RYR3: variants seen among roughly 807,000 people sequenced by gnomAD.
RYR3 encodes ryanodine receptor 3.
In RYR3, 207 loss-of-function variants were observed where a neutral mutation model predicts 584.3. The observed-to-expected ratio is 0.35, with a 90% confidence interval of 0.32 to 0.40. RYR3 has a LOEUF of 0.40. Ranked by LOEUF, RYR3 falls within the 10% of genes least tolerant of loss-of-function variation. The pLI is 1.00. For missense variants in RYR3, 5,616 were observed against 6,089.2 expected (o/e 0.92, Z 2.59); for synonymous variants, 2,416 against 2,248.5 (o/e 1.07, Z -2.11).
At chr15:33,326,853 A>C (rs1167880856) in intron 1 of RYR3, among the ~76,000 whole-genome samples, 1 of 152,234 alleles carries the variant, frequency 6.6e-6, no homozygotes, top group African/African-American at 2.4e-5. Context: ...AATTTACTAC[A>C]GCATGGTTTT....
In RYR3 at chr15:33,838,960, T is replaced by C; in HGVS notation, c.12978+2T>C. On this transcript the variant is annotated splice_donor_variant, in intron 89 of 103. Transcript: ENST00000634891. LOFTEE classifies it high-confidence loss of function. ...GTACAGAAGAAGAGGAAAGCTCAGGTAAGTGTCATTTGTTTCTTTCATCTT... is the reference window on the plus strand; with the variant it reads ...GTACAGAAGAAGAGGAAAGCTCAGGCAAGTGTCATTTGTTTCTTTCATCTT... The C allele has an allele frequency of 1.9e-6, 3 of 1,599,238 alleles. No homozygotes were observed. The highest frequency in any genetic ancestry group is 2.6e-6 in the Non-Finnish European group (3 of 1,174,118).
chr15:33,370,100 C>G (rs886643413), intron 1 of RYR3, among the ~76,000 whole-genome samples: 1 of 152,078 alleles, frequency 6.6e-6, no homozygotes, highest in African/African-American at 2.4e-5. Flanking sequence ...ATCTTTTTCC[C>G]CCTGTAGGAG....
At chr15:33,757,317 A>G (rs561579094) in intron 59 of RYR3, among the ~76,000 whole-genome samples, 158 bp from the exon 60 acceptor site, 1 of 152,326 alleles carries the variant, frequency 6.6e-6, no homozygotes, top group African/African-American at 2.4e-5. Flanking sequence ...AGAAAAGGAA[A>G]ATACGATGGA....
intron 38 of RYR3, among the ~76,000 whole-genome samples, chr15:33,680,465 G>A (rs1052168513): frequency 2.6e-5 from 4 of 152,214 alleles, no homozygotes; most frequent in Non-Finnish European, 2.9e-5. Flanking sequence ...CTTTGCCCTC[G>A]AGCTGGCAGA....
intron 45 of RYR3, 21 bp downstream of exon 45, chr15:33,724,197 A>G: frequency 1.4e-6 from 2 of 1,381,592 alleles, no homozygotes; most frequent in Non-Finnish European, 2.1e-6. Context: ...CAGCTTCCAG[A>G]GAACAGCTTT....
chr15:33,851,412 C>G (rs1398265266), intron 94 of RYR3: 1 of 152,076 alleles, frequency 6.6e-6, no homozygotes, highest in African/African-American at 2.4e-5. Flanking sequence ...AGTGGCACCT[C>G]ATTGTATGTT....
At chr15:33,601,303 T>G in intron 16 of RYR3, 116 bp from the exon 17 acceptor site, 1 of 1,040,074 alleles carries the variant, frequency 9.6e-7, no homozygotes, top group African/African-American at 1.6e-5. Context: ...GAGCTGGCTC[T>G]CTACCCGTCA....
intron 1 of RYR3, among the ~76,000 whole-genome samples, chr15:33,438,372 C>T (rs2045921139): frequency 6.6e-6 from 1 of 152,030 alleles, no homozygotes; most frequent in Non-Finnish European, 1.5e-5. Context: ...CTATGAGCTC[C>T]TTTTTAAAAA....
At chr15:33,745,948 T>A (rs1228940594) in intron 52 of RYR3, 120 bp from the exon 53 acceptor site, 1 of 711,060 alleles carries the variant, frequency 1.4e-6, no homozygotes, top group African/African-American at 1.8e-5. Flanking sequence ...TGAGGAGAAT[T>A]TCTAAGCCCT....
rs146546457 is a variant in RYR3, at chr15:33,435,460, T to G, written c.52-37959T>G. On this transcript the variant is annotated intron_variant, in intron 1 of 103. Coordinates refer to ENST00000634891, the MANE Select transcript of RYR3 (RefSeq NM_001036.6). The stretch of plus-strand genomic sequence containing the variant: ...AGTGTATAGTTTGGGGCTCTGGATA[T>G]GTGTATGTGTGTGTGTGCTATTTCA... Among the ~76,000 whole-genome samples the G allele has an allele frequency of 2.0e-5, 3 of 152,342 alleles. No homozygotes were observed. In the East Asian group the frequency reaches 5.8e-4, roughly 29 times the overall value.
At chr15:33,679,969 T>C (rs1468740541) in intron 38 of RYR3, among the ~76,000 whole-genome samples, 1 of 152,226 alleles carries the variant, frequency 6.6e-6, no homozygotes, top group African/African-American at 2.4e-5. Flanking sequence ...TATGGAGCTA[T>C]TGAGAGTAAA....
At chr15:33,815,984 A>T (rs1567230475) in intron 74 of RYR3, 1 of 397,982 alleles carries the variant, frequency 2.5e-6, no homozygotes, top group Admixed American at 4.4e-5. Context: ...CTCCTCCTTT[A>T]TTGACCATGA....
intron 58 of RYR3, among the ~76,000 whole-genome samples, chr15:33,756,044 G>T (rs549635807): frequency 7.3e-4 from 111 of 152,316 alleles, no homozygotes; most frequent in African/African-American, 2.6e-3. Context: ...AAAGTGTTGG[G>T]ATTACAGGTG....
intron 1 of RYR3, among the ~76,000 whole-genome samples, chr15:33,346,744 G>T (rs1567066536): frequency 6.6e-6 from 1 of 152,126 alleles, no homozygotes; most frequent in East Asian, 1.9e-4. Context: ...AGAAAAGGGG[G>T]CCTCCAGCAT....
At chr15:33,524,957 G>A (rs760057759) in intron 3 of RYR3, among the ~76,000 whole-genome samples, 1 of 152,016 alleles carries the variant, frequency 6.6e-6, no homozygotes, top group African/African-American at 2.4e-5. Flanking sequence ...AGTAATTTTG[G>A]TACAATCGTA....
chr15:33,816,285 G>C (rs1342892255), intron 74 of RYR3, among the ~76,000 whole-genome samples: 1 of 152,214 alleles, frequency 6.6e-6, no homozygotes, highest in East Asian at 1.9e-4. Context: ...ACATACCAGG[G>C]ACATAGCTAG....
At chr15:33,798,270 T>TA (rs2075737355) in intron 67 of RYR3, among the ~76,000 whole-genome samples, 1 of 152,078 alleles carries the variant, frequency 6.6e-6, no homozygotes, top group Non-Finnish European at 1.5e-5. Context: ...TGTATTTTTT[T>TA]AGTAGACACA....
At chr15:33,525,105 A>T (rs1194346829) in intron 3 of RYR3, among the ~76,000 whole-genome samples, 3 of 152,230 alleles carry the variant, frequency 2.0e-5, no homozygotes, top group Non-Finnish European at 4.4e-5. Context: ...TAATTATGTT[A>T]TCCATCTGTA....
At chr15:33,442,944 G>A (rs1407041069) in intron 1 of RYR3, among the ~76,000 whole-genome samples, 1 of 152,162 alleles carries the variant, frequency 6.6e-6, no homozygotes, top group Non-Finnish European at 1.5e-5. Context: ...TAGAAGGTAG[G>A]AGAAAGAAGG....
Sources: gnomAD v4.1 joint callset for allele counts (sites outside exome capture counted in the v4.1 genomes callset) on GRCh38, gnomAD v4.1.1 for gene constraint, MANE v1.5 for transcripts, NCBI Gene and HGNC (gene_info 2026-07-23, HGNC 2026-07-21) for gene names.